Variants in SPTLC2 observed in about 807,000 individuals in gnomAD.
SPTLC2 encodes the protein serine palmitoyltransferase long chain base subunit 2.
In SPTLC2, 21 loss-of-function variants were observed where a neutral mutation model predicts 62.0. That is an observed-to-expected ratio of 0.34 (90% CI 0.24 to 0.49). The LOEUF (loss-of-function observed/expected upper bound fraction) is 0.49, where lower values mean the gene tolerates loss of function less well. Among genes scored for constraint, SPTLC2 ranks in the 20% least tolerant of loss-of-function variants. The pLI, the probability that SPTLC2 is intolerant of heterozygous loss-of-function variation, is 0.99. For synonymous variants in SPTLC2, 261 were observed against 261.8 expected, an observed-to-expected ratio of 1.00 and a Z score of 0.03; for missense variants, 511 against 713.0, an observed-to-expected ratio of 0.72 and a Z score of 3.23.
At chr14:77,531,123 C>G (rs1012173759) in intron 9 of SPTLC2, among the ~76,000 whole-genome samples, 23 of 152,220 alleles carry the variant, frequency 1.5e-4, no homozygotes, top group Non-Finnish European at 2.9e-4. Flanking sequence ...CATCCTGCAT[C>G]TTCCAAAGAG....
In SPTLC2 at chr14:77,512,077, A is replaced by T; in HGVS notation, c.*207T>A. The T allele has an allele frequency of 1.6e-6, 1 of 644,486 alleles. No individual in the cohort carries two copies. Among genetic ancestry groups the T allele is most frequent in the Non-Finnish European group, 2.6e-6 (1 of 380,068 alleles). 39.9% of individuals were successfully genotyped at this position (644,486 alleles called of 1,614,324 possible). On this transcript the variant is annotated 3_prime_UTR_variant, in exon 12 of 12. Transcript: ENST00000216484. ...AGCAAAGTGAGTCACCTTCGTTTTT[A>T]AAGGTGAGATTTAGCAAAGGAAGGA... is the stretch of plus-strand genomic sequence containing the variant.
chr14:77,568,800 T>C (rs1172373968), intron 5 of SPTLC2, among the ~76,000 whole-genome samples: 1 of 137,270 alleles, frequency 7.3e-6, no homozygotes, highest in East Asian at 2.4e-4. Flanking sequence ...AGAGCGAGAC[T>C]CTGTCTCAAA....
chr14:77,576,670 T>C, intron 4 of SPTLC2, 97 bp downstream of exon 4: 2 of 1,521,738 alleles, frequency 1.3e-6, no homozygotes, highest in East Asian at 2.3e-5. Context: ...CATGACAAAG[T>C]GTAGATATTT....
At chr14:77,516,005 T>TGTGC (rs1555372878) in intron 11 of SPTLC2, among the ~76,000 whole-genome samples, 16 of 19,634 alleles carry the variant, frequency 8.1e-4, no homozygotes, top group African/African-American at 1.1e-3. Context: ...TGTGTGTGTG[T>TGTGC]GCGCGCGCGC....
At chr14:77,525,685 C>A (rs1327829690) in intron 9 of SPTLC2, among the ~76,000 whole-genome samples, 1 of 152,036 alleles carries the variant, frequency 6.6e-6, no homozygotes, top group Non-Finnish European at 1.5e-5. Context: ...CTGAAGCGGG[C>A]GGATCACAAG....
intron 9 of SPTLC2, among the ~76,000 whole-genome samples, chr14:77,529,257 T>TC (rs2079424632): frequency 8.0e-6 from 1 of 124,976 alleles, no homozygotes; most frequent in Non-Finnish European, 1.6e-5. Context: ...CTTCTTCTTT[T>TC]TTTTTTTTTT....
At chr14:77,555,277 G>C in intron 8 of SPTLC2, 23 bp downstream of exon 8, 1 of 1,613,260 alleles carries the variant, frequency 6.2e-7, no homozygotes, top group Non-Finnish European at 8.5e-7. Flanking sequence ...ATCTCTAATC[G>C]CTCATTCTCA....
At chr14:77,541,761 T>TCTAA (rs2079501924) in intron 9 of SPTLC2, among the ~76,000 whole-genome samples, 1 of 152,006 alleles carries the variant, frequency 6.6e-6, no homozygotes. Flanking sequence ...CATGAATATA[T>TCTAA]CTAAGAATAT....
At chr14:77,612,730 G>A (rs965697685) in intron 1 of SPTLC2, among the ~76,000 whole-genome samples, 2 of 152,180 alleles carry the variant, frequency 1.3e-5, no homozygotes, top group African/African-American at 4.8e-5. Flanking sequence ...AGCTTTATTA[G>A]TTATTTATTT....
At position 77,604,274 on chromosome 14, in the gene SPTLC2, T is replaced by C. The variant is rs906638557; in HGVS notation, c.133-6894A>G. Among the ~76,000 whole-genome samples the C allele has an allele frequency of 3.3e-5, 5 of 152,288 alleles. No individual in the cohort carries two copies. In the South Asian group the frequency reaches 1.0e-3, roughly 32 times the overall value. Reference sequence around the variant, plus strand: ...AGTCTGAAGGGCAGTGGGTCTCCAATGTCCTGAAGAAAGGGTTCACAAACT... The same window carrying C: ...AGTCTGAAGGGCAGTGGGTCTCCAACGTCCTGAAGAAAGGGTTCACAAACT... On this transcript the variant is annotated intron_variant, in intron 1 of 11. Transcript: ENST00000216484.
chr14:77,611,568 G>A (rs1305552612), intron 1 of SPTLC2, among the ~76,000 whole-genome samples: 1 of 152,112 alleles, frequency 6.6e-6, no homozygotes, highest in Non-Finnish European at 1.5e-5. Context: ...GCTCACGCCT[G>A]TAATCCCAGC....
chr14:77,545,797 G>C (rs892206122), intron 9 of SPTLC2, among the ~76,000 whole-genome samples: 12 of 152,186 alleles, frequency 7.9e-5, no homozygotes, highest in African/African-American at 2.9e-4. Flanking sequence ...CTAATTGCTA[G>C]CTTCAAACTA....
chr14:77,552,017 T>C (rs1176085676), intron 9 of SPTLC2, 79 bp downstream of exon 9: 2 of 1,577,884 alleles, frequency 1.3e-6, no homozygotes, highest in Non-Finnish European at 1.7e-6. Flanking sequence ...CTATTTATTT[T>C]AGGAAAAAAG....
intron 6 of SPTLC2, among the ~76,000 whole-genome samples, chr14:77,559,281 C>T (rs1260911534): frequency 6.6e-6 from 1 of 152,108 alleles, no homozygotes; most frequent in Non-Finnish European, 1.5e-5. Context: ...CAAGATCACG[C>T]CACTGCCCTC....
intron 2 of SPTLC2, among the ~76,000 whole-genome samples, chr14:77,583,470 A>G (rs1432613958): frequency 6.6e-6 from 1 of 152,076 alleles, no homozygotes; most frequent in Non-Finnish European, 1.5e-5. Flanking sequence ...CTCGATACAT[A>G]CTGGGTTGTA....
intron 9 of SPTLC2, among the ~76,000 whole-genome samples, chr14:77,533,297 T>C (rs1460301276): frequency 1.6e-5 from 2 of 121,420 alleles, no homozygotes; most frequent in Non-Finnish European, 3.4e-5. Context: ...CGAAACTCCG[T>C]TGCAAAAAAA....
chr14:77,519,102 C>T (rs1413944699), intron 10 of SPTLC2, among the ~76,000 whole-genome samples: 2 of 152,160 alleles, frequency 1.3e-5, no homozygotes, highest in South Asian at 2.1e-4. Context: ...TGCAGTGGCA[C>T]GATCTTGGCT....
At chr14:77,519,799 G>T (rs913315379) in intron 10 of SPTLC2, among the ~76,000 whole-genome samples, 5 of 152,068 alleles carry the variant, frequency 3.3e-5, no homozygotes, top group African/African-American at 1.2e-4. Flanking sequence ...TACCTCCTTT[G>T]TGTCAGCATG....
chr14:77,546,953 T>C (rs1482936907), intron 9 of SPTLC2, among the ~76,000 whole-genome samples: 2 of 151,666 alleles, frequency 1.3e-5, no homozygotes, highest in East Asian at 1.9e-4. Flanking sequence ...TAGTCTTGAA[T>C]TCCCGACCTC....
Sources: allele counts gnomAD v4.1 joint callset (sites outside exome capture counted in the v4.1 genomes callset), GRCh38; gene constraint gnomAD v4.1.1; transcripts MANE v1.5; gene names NCBI Gene and HGNC (gene_info 2026-07-23, HGNC 2026-07-21).